Variants in GALNT2 observed in about 807,000 individuals in gnomAD.
The protein encoded by GALNT2 is UDP-GalNAc:polypeptide N-acetylgalactosaminyltransferase 2.
In GALNT2, 31 loss-of-function variants were observed where a neutral mutation model predicts 81.4. The observed-to-expected ratio is 0.38, with a 90% CI of 0.29 to 0.51. GALNT2 has a LOEUF of 0.51. Ranked by LOEUF, GALNT2 falls within the 20% of genes least tolerant of loss-of-function variation. GALNT2 has a pLI of 0.87. For missense variants in GALNT2, 629 were observed against 765.7 expected, an observed-to-expected ratio of 0.82 and a Z score of 2.11; for synonymous variants, 303 against 287.4, an observed-to-expected ratio of 1.05 and a Z score of -0.55.
chr1:230,206,935 T>TCATA (rs1387144360), intron 3 of GALNT2, among the ~76,000 whole-genome samples: 1 of 152,014 alleles, frequency 6.6e-6, no homozygotes, highest in East Asian at 1.9e-4. Flanking sequence ...CAGTGAGGTA[T>TCATA]CCCTTGACCA....
intron 11 of GALNT2, chr1:230,259,699 T>C (rs1284918944): frequency 6.6e-6 from 1 of 152,274 alleles, no homozygotes; most frequent in Non-Finnish European, 1.5e-5. Flanking sequence ...CCGAGTCTGC[T>C]TCTGCATGGA....
At chr1:230,122,534 T>C (rs934664011) in intron 1 of GALNT2, among the ~76,000 whole-genome samples, 1 of 152,108 alleles carries the variant, frequency 6.6e-6, no homozygotes, top group African/African-American at 2.4e-5. Context: ...GGTGTATCTT[T>C]TTGACAAAAT....
At chr1:230,064,696 G>A (rs1396186880), upstream of GALNT2, among the ~76,000 whole-genome samples, 1 of 152,112 alleles carries the variant, frequency 6.6e-6, no homozygotes, top group Non-Finnish European at 1.5e-5. Context: ...ATTTTTTTTA[G>A]TGATGGGGTT....
chr1:230,226,045 C>T (rs1406210896), intron 3 of GALNT2, among the ~76,000 whole-genome samples: 1 of 152,316 alleles, frequency 6.6e-6, no homozygotes, highest in East Asian at 1.9e-4. Flanking sequence ...AAAGCAACTG[C>T]CCTTACCGCA....
At chr1:230,075,926 C>T (rs559000824) in intron 1 of GALNT2, among the ~76,000 whole-genome samples, 1 of 152,234 alleles carries the variant, frequency 6.6e-6, no homozygotes, top group African/African-American at 2.4e-5. Flanking sequence ...CATCTTCGTC[C>T]AGCCTCTTTT....
rs1434271420 is a variant in GALNT2 at position 230,137,444 on chromosome 1, T to C, written c.127-40774T>C. Among the ~76,000 whole-genome samples, 3 of 152,194 alleles carry C rather than the reference T, an allele frequency of 2.0e-5. No individual in the cohort carries two copies. In the East Asian group the frequency reaches 5.8e-4, roughly 29 times the overall value. On this transcript the variant is annotated intron_variant, in intron 1 of 15. Transcript: ENST00000366672. ...CCTGCAGGCTGCAGTGGCTGACCTC[T>C]CCCCTCCCCACCTGGCTTTGCTGAG...
chr1:230,173,657 G>T (rs59153235), intron 1 of GALNT2, among the ~76,000 whole-genome samples: 49,268 of 152,100 alleles, frequency 0.32, 8,670 homozygotes, highest in African/African-American at 0.47. Context: ...CACTGCATCA[G>T]TTTCCCCTTA....
intron 2 of GALNT2, among the ~76,000 whole-genome samples, chr1:230,187,292 T>C (rs369931111): frequency 7.2e-5 from 11 of 152,366 alleles, no homozygotes; most frequent in African/African-American, 2.6e-4. Flanking sequence ...AATGCTTACT[T>C]AGGAATTACA....
At chr1:230,075,754 G>T (rs533648296) in intron 1 of GALNT2, among the ~76,000 whole-genome samples, 2 of 152,246 alleles carry the variant, frequency 1.3e-5, no homozygotes, top group South Asian at 2.1e-4. Context: ...GCTGTGTGCT[G>T]TGGAAAAAAT....
chr1:230,243,606 A>G lies in GALNT2; in HGVS notation c.729+179A>G, dbSNP rs1246671505. The stretch of plus-strand genomic sequence containing the variant: ...GAAAATGCCTTTGGGGCATTGTAGA[A>G]AGACTGTTTTACTGGCTGTAGGAAT... On this transcript the variant is annotated intron_variant, in intron 7 of 15. Coordinates refer to ENST00000366672, the MANE Select transcript of GALNT2 (RefSeq NM_004481.5). This position sits in a 1 kb window ranked among gnomAD's most constrained non-coding sequence, Gnocchi z 4.2. Among the ~76,000 whole-genome samples, 1 of 152,182 alleles carries G rather than the reference A, an allele frequency of 6.6e-6. No homozygotes were observed. Among genetic ancestry groups the G allele is most frequent in the East Asian group, 1.9e-4 (1 of 5,194 alleles).
chr1:230,190,954 C>G (rs1663503845), intron 2 of GALNT2, among the ~76,000 whole-genome samples: 1 of 152,034 alleles, frequency 6.6e-6, no homozygotes, highest in Non-Finnish European at 1.5e-5. Flanking sequence ...AGTGAAATTG[C>G]AGGGTCAATG....
intron 1 of GALNT2, among the ~76,000 whole-genome samples, chr1:230,130,937 T>C (rs1042859159): frequency 6.6e-6 from 1 of 152,056 alleles, no homozygotes; most frequent in Non-Finnish European, 1.5e-5. Context: ...AGCAGAAAGG[T>C]GGAGGCTGAG....
intron 1 of GALNT2, among the ~76,000 whole-genome samples, chr1:230,160,824 C>T (rs1424519516): frequency 6.6e-6 from 1 of 152,060 alleles, no homozygotes; most frequent in Non-Finnish European, 1.5e-5. Context: ...TCTCTTAGAC[C>T]CTTTTTCTGT....
At chr1:230,078,081 G>C (rs1342576515) in intron 1 of GALNT2, among the ~76,000 whole-genome samples, 1 of 152,228 alleles carries the variant, frequency 6.6e-6, no homozygotes, top group Non-Finnish European at 1.5e-5. Flanking sequence ...CCAGTCGGGG[G>C]TGGTGGAGGA....
chr1:230,147,758 C>T (rs547009481), intron 1 of GALNT2, among the ~76,000 whole-genome samples: 1 of 152,302 alleles, frequency 6.6e-6, no homozygotes, highest in African/African-American at 2.4e-5. Context: ...GCCCTCTTCC[C>T]GTTGAAGGAG....
chr1:230,194,720 G>C lies in GALNT2; in HGVS notation c.221-8417G>C, dbSNP rs1663633935. ...TCCCCACAGTGCCACAGGCCTCTGG[G>C]AACAGTGTCAGAACAAGTTGCAGGA... is the stretch of plus-strand genomic sequence containing the variant. On this transcript the variant is annotated intron_variant, in intron 2 of 15. Transcript: ENST00000366672. Among the ~76,000 whole-genome samples, 2 of 152,236 alleles carry C rather than the reference G, an allele frequency of 1.3e-5. 1 individual carries two copies. Among genetic ancestry groups the C allele is most frequent in the South Asian group, 4.1e-4 (2 of 4,826 alleles).
chr1:230,227,434 T>C (rs1664746637), intron 3 of GALNT2, among the ~76,000 whole-genome samples: 1 of 149,224 alleles, frequency 6.7e-6, no homozygotes, highest in Non-Finnish European at 1.5e-5. Flanking sequence ...CTAATACAGC[T>C]ATATATATAT....
intron 3 of GALNT2, among the ~76,000 whole-genome samples, chr1:230,206,578 G>T (rs565787753): frequency 3.5e-4 from 53 of 152,254 alleles, no homozygotes; most frequent in African/African-American, 1.2e-3. Context: ...TTACCTCTTT[G>T]AATTTCTCTC....
intron 2 of GALNT2, among the ~76,000 whole-genome samples, chr1:230,187,762 G>A (rs1320200900): frequency 2.6e-5 from 4 of 152,152 alleles, no homozygotes; most frequent in Non-Finnish European, 5.9e-5. Flanking sequence ...CTAGAAAGGG[G>A]GTTAAGTGGG....
Sources: gnomAD v4.1 joint callset for allele counts (sites outside exome capture counted in the v4.1 genomes callset) on GRCh38, gnomAD v4.1.1 for gene constraint, Gnocchi (gnomAD v3.1) non-coding constraint, MANE v1.5 for transcripts, NCBI Gene and HGNC (gene_info 2026-07-23, HGNC 2026-07-21) for gene names.